The following PYGO1 variants were observed in gnomAD, a reference collection of about 807,000 sequenced individuals.
PYGO1 encodes the protein pygopus homolog 1.
A neutral mutation model predicts 29.5 loss-of-function variants in PYGO1; 6 were observed. The ratio of observed to expected loss-of-function variants is 0.20; its 90% CI spans 0.11 to 0.40. The LOEUF is 0.40. Among genes scored for constraint, PYGO1 ranks in the 10% least tolerant of loss-of-function variants. PYGO1 has a pLI of 1.00. For missense variants in PYGO1, 515 were observed against 514.9 expected, an observed-to-expected ratio of 1.00 and a Z score of 0.00; for synonymous variants, 186 against 180.5, an observed-to-expected ratio of 1.03 and a Z score of -0.24.
At position 55,573,923 on chromosome 15, in the gene PYGO1, G is replaced by A. The variant is rs73413275; in HGVS notation, c.49+13912C>T. On this transcript the variant is annotated intron_variant, in intron 1 of 2. Transcript: ENST00000563719. ...TAGTACTATATTTATCATACTATAT[G>A]TTTTCATTGTCTATTTACAAGATGA... Among the ~76,000 whole-genome samples, 1,150 of 152,260 alleles carry A rather than the reference G, an allele frequency of 7.6e-3. 11 individuals carry two copies. The highest frequency in any genetic ancestry group is 0.027 in the African/African-American group (1,103 of 41,548).
intron 1 of PYGO1, among the ~76,000 whole-genome samples, chr15:55,577,149 A>G (rs1279500887): frequency 2.0e-5 from 3 of 152,166 alleles, no homozygotes; most frequent in African/African-American, 7.2e-5. Context: ...ACAAATGCAT[A>G]TCTGATCGGT....
chr15:55,566,023 A>C (rs2058954849), intron 1 of PYGO1, among the ~76,000 whole-genome samples: 1 of 152,146 alleles, frequency 6.6e-6, no homozygotes. Context: ...CCTTGTCATC[A>C]GCCTGCCTCG....
intron 1 of PYGO1, among the ~76,000 whole-genome samples, chr15:55,565,123 C>T (rs1025944148): frequency 2.6e-5 from 4 of 152,148 alleles, no homozygotes; most frequent in African/African-American, 9.7e-5. Context: ...CAGGTCCGCC[C>T]AGTTAATCTC....
At chr15:55,551,152 C>A (rs28715683) in intron 1 of PYGO1, among the ~76,000 whole-genome samples, 5,607 of 152,256 alleles carry the variant, frequency 0.037, 355 homozygotes, top group African/African-American at 0.13. Context: ...AGGGCATGGA[C>A]TAGTACCAGT....
At chr15:55,558,965 A>C (rs562666451) in intron 1 of PYGO1, among the ~76,000 whole-genome samples, 3 of 152,134 alleles carry the variant, frequency 2.0e-5, no homozygotes, top group African/African-American at 7.2e-5. Flanking sequence ...AATGGCAACA[A>C]AAGCCAAAAT....
chr15:55,553,613 G>A (rs1233730277), intron 1 of PYGO1, among the ~76,000 whole-genome samples: 1 of 152,256 alleles, frequency 6.6e-6, no homozygotes, highest in Admixed American at 6.5e-5. Context: ...GTTTCGCCAT[G>A]TTGGCCAGGC....
chr15:55,575,675 C>T (rs1336068897), intron 1 of PYGO1, among the ~76,000 whole-genome samples: 1 of 152,172 alleles, frequency 6.6e-6, no homozygotes, highest in Admixed American at 6.5e-5. Context: ...CCTGCATTGG[C>T]AGTTTGTTTC....
In PYGO1 at chr15:55,546,747, T is replaced by C; in HGVS notation, c.536A>G (p.Asn179Ser). 1 of 1,614,114 alleles carries C rather than the reference T, an allele frequency of 6.2e-7. No individual in the cohort carries two copies. The highest frequency in any genetic ancestry group is 8.5e-7 in the Non-Finnish European group (1 of 1,179,976). ...VNMPNQHFRQ[N>S]PAENFSQIPP... is the part of the protein sequence containing the mutation. ...AATTTGACTGAAATTTTCAGCAGGATTTTGTCTAAAATGTTGATTAGGCAT... is the reference window on the plus strand; with the variant it reads ...AATTTGACTGAAATTTTCAGCAGGACTTTGTCTAAAATGTTGATTAGGCAT... The change falls in exon 3 of 3, where the codon AAT becomes AGT. Residue 179 changes from asparagine (N) to serine (S), a missense_variant. Physicochemically the swap from Asn to Ser is conservative, Grantham distance 46. Transcript: ENST00000563719.
chr15:55,556,902 C>A (rs1346370916), intron 1 of PYGO1, among the ~76,000 whole-genome samples: 1 of 151,152 alleles, frequency 6.6e-6, no homozygotes. Flanking sequence ...AAAACTGGAA[C>A]AAATAAATTC....
In PYGO1 at chr15:55,541,352, G is replaced by A. The variant is rs2058827436; in HGVS notation, c.*4671C>T. ...CAATAAGCTACTAAAAATTAGAAAT[G>A]AGAAGAAAATCTCTAAGTTCAGAAT... On this transcript the variant is annotated 3_prime_UTR_variant, in exon 3 of 3. Transcript: ENST00000563719. 6.6e-6 allele frequency: 1 copy of A among 152,164 alleles called. No individual in the cohort carries two copies. The highest frequency in any genetic ancestry group is 1.5e-5 in the Non-Finnish European group (1 of 68,038). 9.4% of individuals were successfully genotyped at this position (152,164 alleles called of 1,614,324 possible).
At chr15:55,562,067 T>C (rs190104611) in intron 1 of PYGO1, among the ~76,000 whole-genome samples, 1 of 152,226 alleles carries the variant, frequency 6.6e-6, no homozygotes, top group East Asian at 1.9e-4. Context: ...AAGACATTTA[T>C]GCAGCCAACA....
intron 1 of PYGO1, among the ~76,000 whole-genome samples, chr15:55,578,151 C>T (rs997237873): frequency 2.0e-5 from 3 of 152,108 alleles, no homozygotes; most frequent in Admixed American, 6.6e-5. Flanking sequence ...AAGGTTCATC[C>T]ATGTTGTAGT....
Position 55,587,926 on chromosome 15 carries a change from C to A in PYGO1, c.-43G>T. 2 of 1,462,922 alleles carry A rather than the reference C, an allele frequency of 1.4e-6. No individual in the cohort carries two copies. The highest frequency in any genetic ancestry group is 1.8e-6 in the Non-Finnish European group (2 of 1,105,606). The allele number at this position is 1,462,922 out of a possible 1,614,324, so 90.6% of individuals were successfully genotyped here. On this transcript the variant is annotated 5_prime_UTR_variant, in exon 1 of 3. Coordinates refer to ENST00000563719, the MANE Select transcript of PYGO1 (RefSeq NM_001367806.1). ...GACTCCCCCCCAGGCCGCGGGAATT[C>A]GGTCTCTTTGATGCTGCGGCGGCGG...
chr15:55,575,766 C>T (rs2058998692), intron 1 of PYGO1, among the ~76,000 whole-genome samples: 1 of 152,286 alleles, frequency 6.6e-6, no homozygotes, highest in Non-Finnish European at 1.5e-5. Context: ...TCAGAGACAC[C>T]TGCACCAGGT....
intron 1 of PYGO1, among the ~76,000 whole-genome samples, chr15:55,577,157 G>A (rs1018086290): frequency 6.6e-6 from 1 of 152,070 alleles, no homozygotes; most frequent in Admixed American, 6.6e-5. Context: ...ATATCTGATC[G>A]GTTTCTCTGC....
chr15:55,546,039 A>C lies in PYGO1; in HGVS notation c.1244T>G (p.Val415Gly), dbSNP rs376253265. Residue 415 changes from valine to glycine, a missense_variant, in exon 3 of 3, where the codon GTG becomes GGG. Coordinates refer to ENST00000563719, the MANE Select transcript of PYGO1 (RefSeq NM_001367806.1). ...TGCCTTTGATTAAGCATCACTGCCC[A>C]CTGCAGATGGACCAAAAGTTTCTCT... ...RTRETFGPSAVGSDA is the reference protein window; with the variant it reads ...RTRETFGPSAGGSDA 4.3e-6 allele frequency: 7 copies of C among 1,609,848 alleles called. No homozygotes were observed. In the African/African-American group the frequency reaches 8.0e-5, roughly 18 times the overall value.
intron 1 of PYGO1, among the ~76,000 whole-genome samples, chr15:55,553,177 G>A (rs1252671500): frequency 1.3e-5 from 2 of 152,034 alleles, no homozygotes; most frequent in Non-Finnish European, 2.9e-5. Context: ...ACTTCTCACA[G>A]AGCAAGGCCT....
rs2058818401 is a variant in PYGO1, at chr15:55,539,060, T to A, written c.*6963A>T. The A allele has an allele frequency of 6.6e-6, 1 of 152,148 alleles. No individual in the cohort carries two copies. The highest frequency in any genetic ancestry group is 6.5e-5 in the Admixed American group (1 of 15,270). The allele number at this position is 152,148 out of a possible 1,614,324, so 9.4% of individuals were successfully genotyped here. A position where few individuals can be genotyped will look rare whatever the true frequency, so the allele number is the denominator to read the frequency against. ...TACAACGCACAAATAACATTAAGCA[T>A]TATCCCTGAAAAGAATGGCCAACAA... On this transcript the variant is annotated 3_prime_UTR_variant, in exon 3 of 3. Coordinates refer to ENST00000563719, the MANE Select transcript of PYGO1 (RefSeq NM_001367806.1).
rs1433062984 is a variant in PYGO1 at position 55,541,963 on chromosome 15, T to C, written c.*4060A>G. 2 of 152,180 alleles carry C rather than the reference T, an allele frequency of 1.3e-5. No homozygotes were observed. Among genetic ancestry groups the C allele is most frequent in the Non-Finnish European group, 2.9e-5 (2 of 68,022 alleles). 9.4% of individuals were successfully genotyped at this position (152,180 alleles called of 1,614,324 possible). A position where few individuals can be genotyped will look rare whatever the true frequency, so the allele number is the denominator to read the frequency against. On this transcript the variant is annotated 3_prime_UTR_variant, in exon 3 of 3. Coordinates refer to ENST00000563719, the MANE Select transcript of PYGO1 (RefSeq NM_001367806.1). ...CCTATTGTGTAGAGTTCCAAGCCAC[T>C]ATTTACAAATGAACTTAGGGAGCCT...
Sources: allele counts gnomAD v4.1 joint callset (sites outside exome capture counted in the v4.1 genomes callset), GRCh38; gene constraint gnomAD v4.1.1; transcripts MANE v1.5; gene names NCBI Gene and HGNC (gene_info 2026-07-23, HGNC 2026-07-21).